KHDRBS2: variants seen among roughly 807,000 people sequenced by gnomAD.
KHDRBS2 encodes the protein KH domain-containing, RNA-binding, signal transduction-associated protein 2.
KHDRBS2 carries 26 observed loss-of-function variants against 44.3 expected under a neutral mutation model. The ratio of observed to expected loss-of-function variants is 0.59; its 90% CI spans 0.43 to 0.81. KHDRBS2 has a LOEUF of 0.81. Among genes scored for constraint, KHDRBS2 ranks in the 40% least tolerant of loss-of-function variants. The pLI is 0.00. For synonymous variants in KHDRBS2, 194 were observed against 151.1 expected, an observed-to-expected ratio of 1.28 and a Z score of -2.08; for missense variants, 476 against 433.1, an observed-to-expected ratio of 1.10 and a Z score of -0.88.
At chr6:61,554,579 AT>A in the KHDRBS2 span, among the ~76,000 whole-genome samples, 1 of 152,002 alleles carries the variant, frequency 6.6e-6, no homozygotes, top group Non-Finnish European at 1.5e-5. Context: ...TTATGCAGAT[AT>A]TTTTGTGTGG....
At chr6:62,072,813 A>G (rs573719190) in intron 2 of KHDRBS2, among the ~76,000 whole-genome samples, 93 of 151,574 alleles carry the variant, frequency 6.1e-4, no homozygotes, top group African/African-American at 2.2e-3. Context: ...TTTTTTTGTT[A>G]TGTCTCTGCC....
intron 6 of KHDRBS2, among the ~76,000 whole-genome samples, chr6:61,797,356 G>T (rs1204188571): frequency 1.3e-5 from 2 of 152,070 alleles, no homozygotes; most frequent in Non-Finnish European, 2.9e-5. Context: ...CAGTAAGGTA[G>T]GTATTTATAT....
chr6:61,597,732 TTATATATATATATATA>T, the KHDRBS2 span, among the ~76,000 whole-genome samples: 12 of 37,426 alleles, frequency 3.2e-4, 1 homozygote, highest in Non-Finnish European at 3.8e-4. Context: ...TTTGCACCTT[TTATATATATATATATA>T]TATATATATA....
intron 6 of KHDRBS2, among the ~76,000 whole-genome samples, chr6:61,799,120 A>C (rs1785842747): frequency 1.3e-5 from 2 of 152,086 alleles, no homozygotes; most frequent in South Asian, 4.1e-4. Flanking sequence ...GTAAGCTTTT[A>C]ATGCTGCAGT....
At chr6:62,088,465 G>T (rs750101527) in intron 2 of KHDRBS2, among the ~76,000 whole-genome samples, 4 of 152,138 alleles carry the variant, frequency 2.6e-5, no homozygotes, top group Admixed American at 6.5e-5. Flanking sequence ...CCCTTCTTCT[G>T]CAGGTCTGCT....
intron 2 of KHDRBS2, among the ~76,000 whole-genome samples, chr6:62,107,225 G>A (rs1406524614): frequency 6.6e-6 from 1 of 152,062 alleles, no homozygotes; most frequent in African/African-American, 2.4e-5. Flanking sequence ...TCCTTAAGCT[G>A]ATAAGCAACT....
intron 2 of KHDRBS2, among the ~76,000 whole-genome samples, chr6:62,133,091 T>C (rs1169162918): frequency 1.3e-5 from 2 of 152,136 alleles, no homozygotes; most frequent in African/African-American, 4.8e-5. Context: ...TAAATAAGGA[T>C]GACTGTTATT....
chr6:62,216,940 T>C (rs1484131037), intron 1 of KHDRBS2, among the ~76,000 whole-genome samples: 3 of 150,790 alleles, frequency 2.0e-5, no homozygotes, highest in African/African-American at 7.3e-5. Flanking sequence ...GTTATAGGGT[T>C]TGGTATCAGA....
At chr6:61,618,632 C>T in the KHDRBS2 span, among the ~76,000 whole-genome samples, 1 of 152,164 alleles carries the variant, frequency 6.6e-6, no homozygotes. Context: ...ACACCCATCA[C>T]ACTCTGATAG....
intron 1 of KHDRBS2, among the ~76,000 whole-genome samples, chr6:62,240,111 A>G (rs560853347): frequency 8.5e-5 from 13 of 152,268 alleles, no homozygotes; most frequent in African/African-American, 3.1e-4. Flanking sequence ...AACATATAAC[A>G]TTAGTATGGT....
chr6:61,972,453 T>C (rs1013321315), intron 4 of KHDRBS2, among the ~76,000 whole-genome samples: 2 of 152,156 alleles, frequency 1.3e-5, no homozygotes, highest in African/African-American at 4.8e-5. Flanking sequence ...TCTGAGCAAC[T>C]AATAATTACA....
At chr6:61,892,523 A>G (rs1277107076) in intron 6 of KHDRBS2, among the ~76,000 whole-genome samples, 1 of 152,240 alleles carries the variant, frequency 6.6e-6, no homozygotes, top group Non-Finnish European at 1.5e-5. Context: ...TACAGTAACC[A>G]AAACAGCATG....
chr6:61,817,779 C>T (rs1789217855), intron 6 of KHDRBS2, among the ~76,000 whole-genome samples: 1 of 152,016 alleles, frequency 6.6e-6, no homozygotes, highest in South Asian at 2.1e-4. Flanking sequence ...AGTATAGCTT[C>T]CACTTAATGA....
At chr6:61,663,713 AAAAC>A in the KHDRBS2 span, among the ~76,000 whole-genome samples, 1 of 150,796 alleles carries the variant, frequency 6.6e-6, no homozygotes, top group Admixed American at 6.6e-5. Context: ...CTATTAACTG[AAAAC>A]AAACAGTTAT....
intron 1 of KHDRBS2, among the ~76,000 whole-genome samples, chr6:62,257,694 C>T (rs1176948601): frequency 6.6e-6 from 1 of 151,996 alleles, no homozygotes; most frequent in African/African-American, 2.4e-5. Flanking sequence ...ATAAGTTGCA[C>T]CACTACCTTC....
At chr6:62,237,976 TTGCAGTG>T (rs1488760916) in intron 1 of KHDRBS2, among the ~76,000 whole-genome samples, 1 of 149,270 alleles carries the variant, frequency 6.7e-6, no homozygotes, top group Non-Finnish European at 1.5e-5. Flanking sequence ...GAGGCGGAGG[TTGCAGTG>T]AGCAGTGAGC....
intron 3 of KHDRBS2, among the ~76,000 whole-genome samples, chr6:62,014,815 C>T (rs1345336824): frequency 1.3e-5 from 2 of 151,962 alleles, no homozygotes; most frequent in Non-Finnish European, 2.9e-5. Context: ...CTATTTTTGA[C>T]AACTTGTCAT....
the KHDRBS2 span, among the ~76,000 whole-genome samples, chr6:61,620,631 C>T: frequency 6.6e-6 from 1 of 152,216 alleles, no homozygotes; most frequent in East Asian, 1.9e-4. Flanking sequence ...ACCCTTAGAT[C>T]TTCCTTCAGG....
intron 4 of KHDRBS2, among the ~76,000 whole-genome samples, chr6:61,962,086 A>G (rs1201885168): frequency 6.6e-6 from 1 of 152,126 alleles, no homozygotes; most frequent in Non-Finnish European, 1.5e-5. Flanking sequence ...AGGCAAGTAT[A>G]TCTTACAGGC....
Sources: gnomAD v4.1 joint callset for allele counts (sites outside exome capture counted in the v4.1 genomes callset) on GRCh38, gnomAD v4.1.1 for gene constraint, MANE v1.5 for transcripts, NCBI Gene and HGNC (gene_info 2026-07-23, HGNC 2026-07-21) for gene names.